The following CDK14 variants were observed in gnomAD, a reference collection of about 807,000 sequenced individuals.
The protein encoded by CDK14 is cyclin-dependent kinase 14.
In CDK14, 34 loss-of-function variants were observed where a neutral mutation model predicts 60.7. The ratio of observed to expected loss-of-function variants is 0.56; its 90% confidence interval spans 0.43 to 0.75. CDK14 has a LOEUF of 0.75. Among genes scored for constraint, CDK14 ranks in the 30% least tolerant of loss-of-function variants. CDK14 has a pLI of 0.00. For missense variants in CDK14, 482 were observed against 564.1 expected (o/e 0.85, Z 1.47); for synonymous variants, 197 against 203.7 (o/e 0.97, Z 0.28).
In CDK14 at chr7:91,119,335, C is replaced by T. The variant is rs529729011; in HGVS notation, c.*28+1127C>T. Among the ~76,000 whole-genome samples, 17 of 152,014 alleles carry T rather than the reference C, an allele frequency of 1.1e-4. No homozygotes were observed. The South Asian group carries it at 3.5e-3, about 32-fold the overall frequency. On this transcript the variant is annotated intron_variant, in intron 14 of 14. Transcript: ENST00000380050. ...ATCTCTACAAAAAATACAAAAATTACCTGGGCGTGGTGGTGGCATGTGCCT... is the reference window on the plus strand; with the variant it reads ...ATCTCTACAAAAAATACAAAAATTATCTGGGCGTGGTGGTGGCATGTGCCT...
intron 5 of CDK14, among the ~76,000 whole-genome samples, chr7:90,819,122 C>T (rs1562785399): frequency 2.6e-5 from 4 of 152,018 alleles, no homozygotes; most frequent in Admixed American, 2.6e-4. Context: ...GGAGTTGTTA[C>T]TGGAAACTTC....
chr7:90,758,387 T>C (rs1341195519), intron 4 of CDK14, among the ~76,000 whole-genome samples: 1 of 152,192 alleles, frequency 6.6e-6, no homozygotes, highest in Admixed American at 6.5e-5. Context: ...ATGTTCTCTC[T>C]TCTAAATTCC....
At chr7:90,812,756 G>A (rs1247245739) in intron 5 of CDK14, among the ~76,000 whole-genome samples, 2 of 152,152 alleles carry the variant, frequency 1.3e-5, no homozygotes, top group Non-Finnish European at 2.9e-5. Context: ...TAATTGAGGG[G>A]ACCAACAATA....
At chr7:90,677,562 T>A (rs1318184495) in intron 2 of CDK14, among the ~76,000 whole-genome samples, 1 of 152,204 alleles carries the variant, frequency 6.6e-6, no homozygotes, top group Non-Finnish European at 1.5e-5. Context: ...GCCTCTTTTG[T>A]GTATTCACTA....
intron 2 of CDK14, among the ~76,000 whole-genome samples, chr7:90,714,853 A>G (rs1007661265): frequency 6.6e-6 from 1 of 152,136 alleles, no homozygotes; most frequent in Non-Finnish European, 1.5e-5. Context: ...ATATTTTATT[A>G]AAAAGATGGC....
At chr7:90,713,724 T>C (rs936113235) in intron 2 of CDK14, among the ~76,000 whole-genome samples, 1 of 151,796 alleles carries the variant, frequency 6.6e-6, no homozygotes, top group African/African-American at 2.4e-5. Flanking sequence ...TCTCTCATGA[T>C]GTAAGTCCCA....
intron 10 of CDK14, among the ~76,000 whole-genome samples, chr7:91,039,035 G>A (rs370464900): frequency 3.3e-5 from 5 of 152,182 alleles, no homozygotes; most frequent in South Asian, 2.1e-4. Context: ...ACTTAGAGTT[G>A]GCACACACAC....
At chr7:91,032,977 A>G (rs752926379) in intron 10 of CDK14, among the ~76,000 whole-genome samples, 1 of 152,248 alleles carries the variant, frequency 6.6e-6, no homozygotes, top group Non-Finnish European at 1.5e-5. Flanking sequence ...ATTTTAAAGC[A>G]CTACATTTTT....
intron 4 of CDK14, among the ~76,000 whole-genome samples, chr7:90,752,878 A>G (rs988070992): frequency 2.0e-5 from 3 of 152,178 alleles, no homozygotes; most frequent in African/African-American, 4.8e-5. Context: ...CTATGTATAC[A>G]AAGTAGAAAA....
chr7:90,762,459 G>A (rs1211806794), intron 4 of CDK14, among the ~76,000 whole-genome samples: 1 of 152,004 alleles, frequency 6.6e-6, no homozygotes, highest in African/African-American at 2.4e-5. Flanking sequence ...AAGTGAGAGA[G>A]CACAAAAACA....
At chr7:91,062,581 A>T (rs1368085881) in intron 11 of CDK14, among the ~76,000 whole-genome samples, 1 of 152,128 alleles carries the variant, frequency 6.6e-6, no homozygotes, top group Non-Finnish European at 1.5e-5. Context: ...AACACAGAAT[A>T]ATGGCAAAAA....
At chr7:90,944,569 C>CA (rs1794041487) in intron 8 of CDK14, among the ~76,000 whole-genome samples, 1 of 151,968 alleles carries the variant, frequency 6.6e-6, no homozygotes, top group Non-Finnish European at 1.5e-5. Context: ...TCTGTCTCTA[C>CA]AAAAAATTTA....
chr7:91,181,337 TTAACATGTTCCTC>T (rs1254566881), intron 14 of CDK14, among the ~76,000 whole-genome samples: 1 of 152,200 alleles, frequency 6.6e-6, no homozygotes, highest in Non-Finnish European at 1.5e-5. Flanking sequence ...GTGGTGTCCT[TTAACATGTTCCTC>T]TCTCTCCCAT....
chr7:90,983,476 G>A (rs772461350), intron 9 of CDK14, among the ~76,000 whole-genome samples: 22 of 152,024 alleles, frequency 1.4e-4, no homozygotes, highest in Non-Finnish European at 2.8e-4. Flanking sequence ...TCAGGAGATC[G>A]CGACCATCCT....
chr7:90,982,690 C>T (rs940221172), intron 9 of CDK14, among the ~76,000 whole-genome samples: 1 of 152,030 alleles, frequency 6.6e-6, no homozygotes, highest in African/African-American at 2.4e-5. Context: ...TAAGTAATAG[C>T]ACTAGAATGT....
intron 9 of CDK14, among the ~76,000 whole-genome samples, chr7:90,960,244 C>T (rs572664870): frequency 1.7e-4 from 26 of 152,236 alleles, no homozygotes; most frequent in African/African-American, 5.5e-4. Context: ...ATCAAGACCA[C>T]AGTGCTTTGG....
intron 14 of CDK14, among the ~76,000 whole-genome samples, chr7:91,159,344 C>T (rs1242355581): frequency 6.6e-6 from 1 of 152,244 alleles, no homozygotes; most frequent in African/African-American, 2.4e-5. Flanking sequence ...TCAGCATGGT[C>T]ATGCTGTTGC....
intron 12 of CDK14, among the ~76,000 whole-genome samples, chr7:91,111,994 T>C (rs1799479516): frequency 6.6e-6 from 1 of 152,282 alleles, no homozygotes; most frequent in East Asian, 1.9e-4. Flanking sequence ...TCTAAGCACA[T>C]CCCCTTTGCT....
At chr7:90,616,824 T>G (rs1363202983) in intron 2 of CDK14, among the ~76,000 whole-genome samples, 2 of 152,196 alleles carry the variant, frequency 1.3e-5, no homozygotes, top group Non-Finnish European at 2.9e-5. Context: ...ATGATGCACT[T>G]TGATGATCTT....
Sources: allele counts gnomAD v4.1 joint callset (sites outside exome capture counted in the v4.1 genomes callset), GRCh38; gene constraint gnomAD v4.1.1; transcripts MANE v1.5; gene names NCBI Gene and HGNC (gene_info 2026-07-23, HGNC 2026-07-21).